DNAAF11: variants seen among roughly 807,000 people sequenced by gnomAD.
DNAAF11 encodes the protein leucine rich repeat containing 6.
Under a neutral mutation model 60.8 loss-of-function variants are expected in DNAAF11, and 45 were observed. That is an observed-to-expected ratio of 0.74 (90% CI 0.58 to 0.95). DNAAF11 has a LOEUF of 0.95. Ranked by LOEUF, DNAAF11 falls within the 40% of genes least tolerant of loss-of-function variation. The pLI is 0.00. For missense variants in DNAAF11, 546 were observed against 546.2 expected (o/e 1.00, Z 0.00); for synonymous variants, 191 against 183.5 (o/e 1.04, Z -0.33).
At chr8:132,656,438 G>A (rs992053196) in intron 3 of DNAAF11, among the ~76,000 whole-genome samples, 9 of 152,068 alleles carry the variant, frequency 5.9e-5, no homozygotes, top group Non-Finnish European at 1.3e-4. Context: ...TTTTAAAAGC[G>A]TACCTATTTT....
At chr8:132,693,745 G>C in the DNAAF11 span, among the ~76,000 whole-genome samples, 2 of 152,256 alleles carry the variant, frequency 1.3e-5, no homozygotes, top group Admixed American at 1.3e-4. Flanking sequence ...AGAATGGACA[G>C]TATGGATGTC....
chr8:132,644,105 A>G (rs145793128), intron 3 of DNAAF11, among the ~76,000 whole-genome samples: 2,210 of 152,306 alleles, frequency 0.015, 65 homozygotes, highest in African/African-American at 0.05. Context: ...TTAAATACAT[A>G]TATCAGCAAG....
Position 132,595,347 on chromosome 8 carries a change from G to GAAAAA in DNAAF11, c.1141-11569_1141-11568insTTTTT, listed in dbSNP as rs1563992420. ...TTCCCGAAAGAGAGAGAGACAGAGG[G>GAAAAA]GAAAAAAAAAAAAAAAAAAAAAAAA... On this transcript the variant is annotated intron_variant, in intron 10 of 11. Transcript: ENST00000620350. 1.5e-3 allele frequency among the ~76,000 whole-genome samples: 60 copies of GAAAAA among 40,676 alleles called. 27 individuals are homozygous for GAAAAA. Among genetic ancestry groups the GAAAAA allele is most frequent in the Admixed American group, 4.0e-3 (9 of 2,274 alleles). The allele number at this position is 40,676 out of a possible 152,430, so 26.7% of individuals were successfully genotyped here.
rs1356929934 is a variant in DNAAF11, at chr8:132,638,098, T to C, written c.266A>G (p.Glu89Gly). 6.2e-7 allele frequency: 1 copy of C among 1,613,226 alleles called. No individual in the cohort carries two copies. The highest frequency in any genetic ancestry group is 2.2e-5 in the East Asian group (1 of 44,882). The change falls in exon 4 of 12, where the codon GAG becomes GGG. Residue 89 changes from glutamate (E) to glycine (G), a missense_variant. By Grantham distance (98) the Glu-to-Gly change is moderately conservative. Coordinates refer to ENST00000620350, the MANE Select transcript of DNAAF11 (RefSeq NM_012472.6). ...EKIENLEGCE[E>G]LAKLDLTVNF... Reference sequence around the variant, plus strand: ...CACAGTCAGGTCAAGTTTTGCCAGCTCTTCACATCCTGTTGAGAAAAATAA... The same window carrying C: ...CACAGTCAGGTCAAGTTTTGCCAGCCCTTCACATCCTGTTGAGAAAAATAA...
At chr8:132,670,539 A>C (rs1167077876) in intron 1 of DNAAF11, among the ~76,000 whole-genome samples, 1 of 152,176 alleles carries the variant, frequency 6.6e-6, no homozygotes, top group East Asian at 1.9e-4. Flanking sequence ...TCTACCAAAA[A>C]CTTAAGGGAA....
intron 7 of DNAAF11, among the ~76,000 whole-genome samples, chr8:132,620,888 A>G (rs1819687843): frequency 6.6e-6 from 1 of 152,160 alleles, no homozygotes; most frequent in South Asian, 2.1e-4. Flanking sequence ...CGTGTGGCTG[A>G]GCTGAGCTGG....
intron 7 of DNAAF11, 137 bp from the exon 8 acceptor site, chr8:132,615,234 A>G (rs1819028995): frequency 2.0e-6 from 1 of 505,934 alleles, no homozygotes; most frequent in South Asian, 3.9e-5. Flanking sequence ...GTGGTTGAAC[A>G]ATCAAATATC....
chr8:132,598,691 T>G (rs1817274626), intron 10 of DNAAF11, among the ~76,000 whole-genome samples: 1 of 152,066 alleles, frequency 6.6e-6, no homozygotes, highest in African/African-American at 2.4e-5. Flanking sequence ...TTAAATATTA[T>G]CTCTGCTAGA....
chr8:132,604,478 C>T (rs1295416881), intron 10 of DNAAF11, among the ~76,000 whole-genome samples: 1 of 151,994 alleles, frequency 6.6e-6, no homozygotes, highest in Non-Finnish European at 1.5e-5. Flanking sequence ...GAAGAAACAC[C>T]CAAAGGAAAT....
intron 10 of DNAAF11, among the ~76,000 whole-genome samples, chr8:132,609,851 A>G (rs1487742130): frequency 6.6e-5 from 10 of 152,216 alleles, no homozygotes; most frequent in Non-Finnish European, 4.4e-5. Flanking sequence ...AGCTTACAGC[A>G]GGAAATATCC....
intron 10 of DNAAF11, among the ~76,000 whole-genome samples, chr8:132,599,989 G>C (rs1310041978): frequency 1.3e-5 from 2 of 152,202 alleles, no homozygotes; most frequent in East Asian, 1.9e-4. Flanking sequence ...AATTGTCCCT[G>C]TATGCAGATA....
At chr8:132,649,536 G>C (rs992900623) in intron 3 of DNAAF11, among the ~76,000 whole-genome samples, 2 of 152,134 alleles carry the variant, frequency 1.3e-5, no homozygotes, top group African/African-American at 2.4e-5. Flanking sequence ...TTAAACTAAA[G>C]AGCTTTTGCA....
At chr8:132,666,831 G>A (rs1173689705) in intron 1 of DNAAF11, among the ~76,000 whole-genome samples, 1 of 152,184 alleles carries the variant, frequency 6.6e-6, no homozygotes, top group Non-Finnish European at 1.5e-5. Context: ...TACCACTCGG[G>A]TCATGTGGGT....
chr8:132,670,018 T>C (rs1586750072), intron 1 of DNAAF11, among the ~76,000 whole-genome samples: 1 of 151,254 alleles, frequency 6.6e-6, no homozygotes, highest in East Asian at 1.9e-4. Flanking sequence ...AAAACATTAC[T>C]TAGAGGTAAA....
intron 10 of DNAAF11, among the ~76,000 whole-genome samples, chr8:132,595,851 C>T (rs568642788): frequency 1.5e-4 from 23 of 152,232 alleles, no homozygotes; most frequent in African/African-American, 4.8e-4. Context: ...CAGGGCAAAC[C>T]GTGAGAAGGC....
intron 3 of DNAAF11, among the ~76,000 whole-genome samples, chr8:132,646,268 T>C (rs2130660492): frequency 6.6e-6 from 1 of 152,212 alleles, no homozygotes; most frequent in African/African-American, 2.4e-5. Context: ...ATAAAATCCT[T>C]TACAGACAAG....
chr8:132,638,457 TA>T (rs1437752365), intron 3 of DNAAF11, among the ~76,000 whole-genome samples: 1 of 152,178 alleles, frequency 6.6e-6, no homozygotes, highest in Non-Finnish European at 1.5e-5. Context: ...CAGTGGATGC[TA>T]CCTCAGAACA....
At chr8:132,691,738 G>A in the DNAAF11 span, among the ~76,000 whole-genome samples, 1 of 152,002 alleles carries the variant, frequency 6.6e-6, no homozygotes, top group Admixed American at 6.6e-5. Context: ...AACAGCATGG[G>A]GGAAACCACC....
chr8:132,666,306 C>T (rs187534861), intron 1 of DNAAF11, among the ~76,000 whole-genome samples: 1 of 152,022 alleles, frequency 6.6e-6, no homozygotes, highest in Admixed American at 6.6e-5. Context: ...GTTTCCAACA[C>T]AAAGAAATGA....
Sources: allele counts gnomAD v4.1 joint callset (sites outside exome capture counted in the v4.1 genomes callset), GRCh38; gene constraint gnomAD v4.1.1; transcripts MANE v1.5; gene names NCBI Gene and HGNC (gene_info 2026-07-23, HGNC 2026-07-21).